Variants in SORT1 observed in about 807,000 individuals in gnomAD.
The protein encoded by SORT1 is sortilin.
A neutral mutation model predicts 101.7 loss-of-function variants in SORT1; 39 were observed. The ratio of observed to expected loss-of-function variants is 0.38; its 90% CI spans 0.30 to 0.50. SORT1 has a LOEUF of 0.50. Among genes scored for constraint, SORT1 ranks in the 20% least tolerant of loss-of-function variants. SORT1 has a pLI of 0.90. For missense variants in SORT1, 878 were observed against 1,040.4 expected (o/e 0.84, Z 2.15); for synonymous variants, 396 against 393.7 (o/e 1.01, Z -0.07).
intron 15 of SORT1, 151 bp from the exon 16 acceptor site, chr1:109,318,120 G>A (rs904182597): frequency 3.2e-5 from 18 of 553,920 alleles, no homozygotes; most frequent in Non-Finnish European, 5.5e-5. Flanking sequence ...CACCTCTGAA[G>A]GAGGTCGATT....
At chr1:109,387,475 A>C (rs2101655282) in intron 1 of SORT1, among the ~76,000 whole-genome samples, 1 of 152,264 alleles carries the variant, frequency 6.6e-6, no homozygotes, top group African/African-American at 2.4e-5. Flanking sequence ...TCTGGGTGAC[A>C]CAGTAAAGAC....
In SORT1 at chr1:109,309,853, C is replaced by T. The variant is rs1658614945; in HGVS notation, c.*4190G>A. ...GGCACATGCAGTAATGATCTTAATA[C>T]TGCTTTACACTTTCGTGGGAAGGCA... On this transcript the variant is annotated 3_prime_UTR_variant, in exon 20 of 20. Transcript: ENST00000256637. 6.6e-6 allele frequency: 1 copy of T among 152,588 alleles called. No individual in the cohort carries two copies. Among genetic ancestry groups the T allele is most frequent in the Admixed American group, 6.5e-5 (1 of 15,276 alleles). The allele number at this position is 152,588 out of a possible 1,614,324, so 9.5% of individuals were successfully genotyped here. A position where few individuals can be genotyped will look rare whatever the true frequency, so the allele number is the denominator to read the frequency against.
Position 109,342,047 on chromosome 1 carries a change from C to A in SORT1, c.1075G>T (p.Asp359Tyr). 1 of 1,613,822 alleles carries A rather than the reference C, an allele frequency of 6.2e-7. No individual in the cohort carries two copies. The highest frequency in any genetic ancestry group is 8.5e-7 in the Non-Finnish European group (1 of 1,179,930). ...TCATCTACATGCATGAATACCATGT[C>A]ATCATTTGCTGCCAGAATAGAATAG... Reference protein sequence around the residue: ...QFYSILAANDDMVFMHVDEPG... With the variant: ...QFYSILAANDYMVFMHVDEPG... The change falls in exon 9 of 20, where the codon GAC becomes TAC. Residue 359 changes from aspartate to tyrosine, a missense_variant. Physicochemically the swap from Asp to Tyr is radical, Grantham distance 160 (BLOSUM62 -3). Coordinates refer to ENST00000256637, the MANE Select transcript of SORT1 (RefSeq NM_002959.7).
At chr1:109,384,018 C>G (rs550346419) in intron 1 of SORT1, among the ~76,000 whole-genome samples, 3 of 152,166 alleles carry the variant, frequency 2.0e-5, no homozygotes, top group African/African-American at 7.2e-5. Flanking sequence ...GACAATCTTT[C>G]CAGTCTCTCT....
At chr1:109,347,588 G>T in intron 6 of SORT1, 56 bp from the exon 7 acceptor site, 1 of 1,260,674 alleles carries the variant, frequency 7.9e-7, no homozygotes, top group Non-Finnish European at 1.2e-6. Flanking sequence ...GAAGGACTGT[G>T]TTGACCTTAC....
chr1:109,392,127 T>C (rs889389173), intron 1 of SORT1, among the ~76,000 whole-genome samples: 3 of 152,200 alleles, frequency 2.0e-5, no homozygotes, highest in African/African-American at 4.8e-5. Context: ...CAAAACATAG[T>C]TCACTTTCTG....
intron 1 of SORT1, chr1:109,397,291 G>A (rs1242861765): frequency 6.5e-6 from 1 of 153,332 alleles, no homozygotes; most frequent in Non-Finnish European, 1.4e-5. Flanking sequence ...GCGTTACTGG[G>A]TCCTGATTAT....
At chr1:109,359,251 A>G (rs768952133) in intron 3 of SORT1, among the ~76,000 whole-genome samples, 1 of 152,136 alleles carries the variant, frequency 6.6e-6, no homozygotes, top group South Asian at 2.1e-4. Flanking sequence ...GGTCTCTCTT[A>G]TAAGGGGACT....
chr1:109,314,371 G>C lies in SORT1; in HGVS notation c.2371C>G (p.Arg791Gly), dbSNP rs760238686. The C allele has an allele frequency of 6.2e-7, 1 of 1,613,834 alleles. No homozygotes were observed. The highest frequency in any genetic ancestry group is 2.2e-5 in the East Asian group (1 of 44,874). The change falls in exon 19 of 20, where the codon CGA becomes GGA. Residue 791 changes from arginine to glycine, a missense_variant. Coordinates refer to ENST00000256637, the MANE Select transcript of SORT1 (RefSeq NM_002959.7). ...GCATGCTGCTGCAGCACAGAGTATCGATGCACCAGGAACCTGTGAACAGAA... is the reference window on the plus strand; with the variant it reads ...GCATGCTGCTGCAGCACAGAGTATCCATGCACCAGGAACCTGTGAACAGAA... ...YVCGGRFLVH[R>G]YSVLQQHAEA...
At position 109,327,149 on chromosome 1, in the gene SORT1, C is replaced by A; in HGVS notation, c.1486G>T (p.Asp496Tyr). ...GIVIAHGSVG[D>Y]AISVMVPDVY... ...TCTGGAACCATCACTGAGATGGCAT[C>A]CCCCACGCTACCTGCAATATAATCC... The change falls in exon 13 of 20, where the codon GAT becomes TAT. Residue 496 changes from aspartate to tyrosine, a missense_variant. This residue lies in a region of SORT1 where 684 missense variants were observed against 894.5 expected (regional missense o/e 0.76). Coordinates refer to ENST00000256637, the MANE Select transcript of SORT1 (RefSeq NM_002959.7). The A allele has an allele frequency of 6.2e-7, 1 of 1,612,148 alleles. No homozygotes were observed. The highest frequency in any genetic ancestry group is 8.5e-7 in the Non-Finnish European group (1 of 1,178,824).
chr1:109,339,567 G>C (rs1649071203), intron 10 of SORT1, among the ~76,000 whole-genome samples: 1 of 152,200 alleles, frequency 6.6e-6, no homozygotes, highest in Non-Finnish European at 1.5e-5. Context: ...CCCATTAGGA[G>C]TGCTGTTACA....
intron 3 of SORT1, among the ~76,000 whole-genome samples, chr1:109,359,494 TTTTTA>T (rs1383946872): frequency 2.0e-5 from 3 of 152,030 alleles, no homozygotes; most frequent in Admixed American, 6.6e-5. Context: ...CTCAAAAGCC[TTTTTA>T]TTTTATTTTA....
chr1:109,366,060 T>G (rs1269136129), intron 3 of SORT1, among the ~76,000 whole-genome samples: 1 of 152,184 alleles, frequency 6.6e-6, no homozygotes, highest in Non-Finnish European at 1.5e-5. Flanking sequence ...ATTACTTCTT[T>G]AGGTCTCTAG....
In SORT1 at chr1:109,353,337, A is replaced by AC. The variant is rs1650088711; in HGVS notation, c.708+1029_708+1030insG. Among the ~76,000 whole-genome samples, 4 of 150,860 alleles carry AC rather than the reference A, an allele frequency of 2.7e-5. 1 individual carries two copies. Among genetic ancestry groups the AC allele is most frequent in the African/African-American group, 9.8e-5 (4 of 40,906 alleles). On this transcript the variant is annotated intron_variant, in intron 5 of 19. Coordinates refer to ENST00000256637, the MANE Select transcript of SORT1 (RefSeq NM_002959.7). ...GAGCAAAACTCTGTCTCAAAAAAAA[A>AC]AAAAAAAAAAAAAACAAAAGCAAAA... is the stretch of plus-strand genomic sequence containing the variant.
chr1:109,383,707 A>G (rs1233692112), intron 1 of SORT1, among the ~76,000 whole-genome samples: 1 of 152,232 alleles, frequency 6.6e-6, no homozygotes, highest in Non-Finnish European at 1.5e-5. Context: ...AGAAAATCCT[A>G]ACAGAATATA....
At chr1:109,338,090 G>A (rs539035316) in intron 10 of SORT1, among the ~76,000 whole-genome samples, 4 of 152,318 alleles carry the variant, frequency 2.6e-5, no homozygotes, top group African/African-American at 9.6e-5. Context: ...GCAGCTAAAG[G>A]TGGATTGATA....
rs1438415552 is a variant in SORT1 at position 109,314,068 on chromosome 1, C to T, written c.2482-11G>A. On this transcript the variant is annotated splice_polypyrimidine_tract_variant and intron_variant, in intron 19 of 19. Transcript: ENST00000256637. Reference sequence around the variant, plus strand: ...CTATTCCAAGAGGTCCTGAAAAAGACATGCACCATATTACCGACAGACCAC... The same window carrying T: ...CTATTCCAAGAGGTCCTGAAAAAGATATGCACCATATTACCGACAGACCAC... 1.9e-6 allele frequency: 3 copies of T among 1,614,036 alleles called. No individual in the cohort carries two copies. The highest frequency in any genetic ancestry group is 2.5e-6 in the Non-Finnish European group (3 of 1,179,972).
At chr1:109,392,660 C>G in intron 1 of SORT1, 1 of 984,928 alleles carries the variant, frequency 1.0e-6, no homozygotes. Flanking sequence ...CTCATCCCAA[C>G]CAAACTTCAG....
intron 5 of SORT1, among the ~76,000 whole-genome samples, chr1:109,353,129 C>A (rs1230332093): frequency 6.6e-6 from 1 of 151,924 alleles, no homozygotes; most frequent in Non-Finnish European, 1.5e-5. Flanking sequence ...AGTTCGAGAC[C>A]AGCCTGGCCA....
Sources: allele counts gnomAD v4.1 joint callset (sites outside exome capture counted in the v4.1 genomes callset), GRCh38; gene constraint gnomAD v4.1.1; regional missense constraint gnomAD v4.1.1; transcripts MANE v1.5; gene names NCBI Gene and HGNC (gene_info 2026-07-23, HGNC 2026-07-21).